ATXN1: variants seen among roughly 807,000 people sequenced by gnomAD.
ATXN1 encodes ataxin 1.
ATXN1 carries 8 observed loss-of-function variants against 56.4 expected under a neutral mutation model. The observed-to-expected ratio is 0.14, with a 90% CI of 0.08 to 0.26. The LOEUF (loss-of-function observed/expected upper bound fraction) is 0.26, where lower values mean the gene tolerates loss of function less well. ATXN1 is among the 10% of genes least tolerant of loss of function. The probability of loss-of-function intolerance (pLI) is 1.00; values close to 1 mark genes in which losing one functional copy is unlikely to be tolerated. For missense variants in ATXN1, 987 were observed against 1,106.5 expected, an observed-to-expected ratio of 0.89 and a Z score of 1.53; for synonymous variants, 514 against 494.6, an observed-to-expected ratio of 1.04 and a Z score of -0.52.
chr6:16,684,698 C>T (rs1758881213), intron 2 of ATXN1, among the ~76,000 whole-genome samples: 1 of 152,092 alleles, frequency 6.6e-6, no homozygotes, highest in Non-Finnish European at 1.5e-5. Context: ...GAGCATTTAG[C>T]GTTCAGTAAA....
chr6:16,641,863 G>C (rs936049106), intron 3 of ATXN1, among the ~76,000 whole-genome samples: 9 of 152,178 alleles, frequency 5.9e-5, no homozygotes, highest in Admixed American at 2.0e-4. Flanking sequence ...TTGATTCATG[G>C]GAAGAGGTCA....
intron 2 of ATXN1, among the ~76,000 whole-genome samples, chr6:16,679,076 A>C (rs943591510): frequency 1.3e-5 from 2 of 151,574 alleles, no homozygotes; most frequent in African/African-American, 4.8e-5. Context: ...GAAAAGATGG[A>C]TGGATGGATG....
chr6:16,728,321 T>C (rs1178493265), intron 2 of ATXN1, among the ~76,000 whole-genome samples: 1 of 152,172 alleles, frequency 6.6e-6, no homozygotes, highest in Non-Finnish European at 1.5e-5. Context: ...GGGGAAAACT[T>C]TCCGTCCCGG....
intron 5 of ATXN1, among the ~76,000 whole-genome samples, chr6:16,486,557 G>A (rs114818442): frequency 1.9e-3 from 293 of 152,276 alleles, no homozygotes; most frequent in African/African-American, 6.8e-3. Context: ...TCATAAGCCT[G>A]TTCCTGAGCT....
chr6:16,638,351 TG>T (rs1763637226), intron 3 of ATXN1, among the ~76,000 whole-genome samples: 1 of 146,950 alleles, frequency 6.8e-6, no homozygotes, highest in Admixed American at 7.0e-5. Flanking sequence ...AAGGCTCAGG[TG>T]GGAGGATCAC....
At chr6:16,356,550 TGGAAG>T (rs910557426) in intron 6 of ATXN1, among the ~76,000 whole-genome samples, 30 of 152,284 alleles carry the variant, frequency 2.0e-4, no homozygotes, top group African/African-American at 7.2e-4. Context: ...CAATTTTCCT[TGGAAG>T]GGAAGTAGAC....
intron 6 of ATXN1, among the ~76,000 whole-genome samples, chr6:16,351,075 C>CAAATAAATA (rs1761555529): frequency 6.6e-6 from 1 of 152,056 alleles, no homozygotes; most frequent in Middle Eastern, 3.2e-3. Flanking sequence ...GGAGACAGAA[C>CAAATAAATA]AAGACCCTGT....
chr6:16,321,018 A>T lies in ATXN1; in HGVS notation c.1917+5376T>A. On this transcript the variant is annotated intron_variant, in intron 7 of 7. Transcript: ENST00000436367. ...GCCTTTGATTTATTTTTCAGCTGTG[A>T]ATCACTTTCTCAGGGCCCGAGCCAT... 1.3e-5 allele frequency among the ~76,000 whole-genome samples: 2 copies of T among 152,194 alleles called. 1 individual carries two copies. The highest frequency in any genetic ancestry group is 2.9e-5 in the Non-Finnish European group (2 of 68,040).
At chr6:16,432,247 G>A (rs748537007) in intron 6 of ATXN1, among the ~76,000 whole-genome samples, 11 of 152,090 alleles carry the variant, frequency 7.2e-5, no homozygotes, top group Non-Finnish European at 1.6e-4. Flanking sequence ...TCGTTAAATT[G>A]ACCCTGCAGG....
chr6:16,305,603 G>T lies in ATXN1; in HGVS notation c.*726C>A, dbSNP rs1206454410. ...CGCTGCACTAGTAAAAAGCAGAAAT[G>T]AAATCCCGCATGTGGCAGTTGCTCT... On this transcript the variant is annotated 3_prime_UTR_variant, in exon 8 of 8. Coordinates refer to ENST00000436367, the MANE Select transcript of ATXN1 (RefSeq NM_001128164.2). 2 of 152,498 alleles carry T rather than the reference G, an allele frequency of 1.3e-5. No homozygotes were observed. Among genetic ancestry groups the T allele is most frequent in the Admixed American group, 6.5e-5 (1 of 15,270 alleles). 9.4% of individuals were successfully genotyped at this position (152,498 alleles called of 1,614,324 possible).
At chr6:16,428,591 T>A (rs1280351277) in intron 6 of ATXN1, among the ~76,000 whole-genome samples, 1 of 152,122 alleles carries the variant, frequency 6.6e-6, no homozygotes, top group Admixed American at 6.5e-5. Context: ...CTTTTTGAGG[T>A]AGCTATCATT....
chr6:16,524,824 A>G (rs236935), intron 4 of ATXN1, among the ~76,000 whole-genome samples: 111,826 of 152,122 alleles, frequency 0.74, 42,366 homozygotes, highest in African/African-American at 0.91. Flanking sequence ...AGGCCAAGCC[A>G]GGTGGATCAC....
Position 16,326,437 on chromosome 6 carries a change from C to T in ATXN1, c.1874G>A (p.Gly625Asp). ...GACGGCGAACTGTATCACGGCCACG[C>T]CCGGGCTATGGCTGTCTTCAATCCT... ...VERIEDSHSPGVAVIQFAVGE... is the reference protein window; with the variant it reads ...VERIEDSHSPDVAVIQFAVGE... The change falls in exon 7 of 8, where the codon GGC (glycine) becomes GAC (aspartate). Residue 625 changes from glycine to aspartate, a missense_variant. Physicochemically the swap from Gly to Asp is moderately conservative, Grantham distance 94 (BLOSUM62 -1). Transcript: ENST00000436367. The surrounding 1 kb of genome is among the most constrained non-coding windows in gnomAD (Gnocchi z 6.6). 6.2e-7 allele frequency: 1 copy of T among 1,614,082 alleles called. No individual in the cohort carries two copies. The highest frequency in any genetic ancestry group is 1.1e-5 in the South Asian group (1 of 91,082).
chr6:16,669,778 C>T (rs895791332), intron 2 of ATXN1, among the ~76,000 whole-genome samples: 1 of 151,270 alleles, frequency 6.6e-6, no homozygotes. Context: ...CCCTTCAACC[C>T]GTCATCTAGG....
intron 6 of ATXN1, among the ~76,000 whole-genome samples, chr6:16,343,893 C>T (rs1761315040): frequency 6.6e-6 from 1 of 152,218 alleles, no homozygotes; most frequent in Non-Finnish European, 1.5e-5. Context: ...CTGCTGCAGG[C>T]CTCTGGGTAT....
intron 6 of ATXN1, among the ~76,000 whole-genome samples, chr6:16,356,898 T>A (rs1761698572): frequency 1.3e-5 from 2 of 152,154 alleles, no homozygotes; most frequent in Admixed American, 1.3e-4. Flanking sequence ...ACCAAAAAAA[T>A]TCTGGAGATC....
chr6:16,662,328 C>T (rs376873395), intron 2 of ATXN1, among the ~76,000 whole-genome samples: 4,051 of 103,658 alleles, frequency 0.039, 77 homozygotes, highest in South Asian at 0.11. Flanking sequence ...GCATCTTCAT[C>T]AAACTTCTTT....
chr6:16,320,085 G>T (rs757489664), intron 7 of ATXN1, among the ~76,000 whole-genome samples: 1 of 152,186 alleles, frequency 6.6e-6, no homozygotes, highest in Non-Finnish European at 1.5e-5. Context: ...ATGTTGGCAA[G>T]TGGGTCTGCC....
intron 4 of ATXN1, among the ~76,000 whole-genome samples, chr6:16,583,190 G>A (rs550397371): frequency 1.3e-5 from 2 of 152,162 alleles, no homozygotes; most frequent in Admixed American, 6.5e-5. Flanking sequence ...CTCTTCTGCT[G>A]AGAAATACAG....
Sources: gnomAD v4.1 joint callset for allele counts (sites outside exome capture counted in the v4.1 genomes callset) on GRCh38, gnomAD v4.1.1 for gene constraint, Gnocchi (gnomAD v3.1) non-coding constraint, MANE v1.5 for transcripts, NCBI Gene and HGNC (gene_info 2026-07-23, HGNC 2026-07-21) for gene names.